Variants in PNPLA8 observed in about 807,000 individuals in gnomAD.
PNPLA8 encodes the protein patatin like domain 8, phospholipase A2.
In PNPLA8, 39 loss-of-function variants were observed where a neutral mutation model predicts 76.9. The observed-to-expected ratio is 0.51, with a 90% CI of 0.39 to 0.66. PNPLA8 has a LOEUF of 0.66. PNPLA8 is among the 30% of genes least tolerant of loss of function. PNPLA8 has a pLI of 0.00. For synonymous variants in PNPLA8, 301 were observed against 307.9 expected, an observed-to-expected ratio of 0.98 and a Z score of 0.24; for missense variants, 887 against 918.0, an observed-to-expected ratio of 0.97 and a Z score of 0.44.
intron 4 of PNPLA8, among the ~76,000 whole-genome samples, chr7:108,509,446 T>A (rs1339051302): frequency 6.7e-6 from 1 of 149,764 alleles, no homozygotes; most frequent in East Asian, 1.9e-4. Flanking sequence ...TCACTGGCCA[T>A]CAGAGAAATG....
Position 108,514,498 on chromosome 7 carries a change from G to C in PNPLA8, c.994C>G (p.Gln332Glu), listed in dbSNP as rs1473538134. Residue 332 changes from glutamine to glutamate, a missense_variant, in exon 3 of 11, where the codon CAG becomes GAG. Coordinates refer to ENST00000257694, the MANE Select transcript of PNPLA8 (RefSeq NM_001256007.3). ...GCATTTCTGTCTTTGCTGACAGCCT[G>C]ATCAGTTTTAGCAGGCTCTTCCTGT... ...EEQEEPAKTDQAVSKDRNAEE... is the reference protein window; with the variant it reads ...EEQEEPAKTDEAVSKDRNAEE... 6.8e-6 allele frequency: 11 copies of C among 1,613,638 alleles called. No individual in the cohort carries two copies. Among genetic ancestry groups the C allele is most frequent in the Middle Eastern group, 3.3e-4 (2 of 6,084 alleles).
At chr7:108,499,994 C>T (rs1861824504) in intron 5 of PNPLA8, among the ~76,000 whole-genome samples, 1 of 152,180 alleles carries the variant, frequency 6.6e-6, no homozygotes, top group African/African-American at 2.4e-5. Flanking sequence ...CTCTTCCTCT[C>T]TATCCCTTTA....
intron 4 of PNPLA8, among the ~76,000 whole-genome samples, chr7:108,511,365 T>C (rs144899033): frequency 6.6e-6 from 1 of 152,312 alleles, no homozygotes; most frequent in East Asian, 1.9e-4. Context: ...TTAGCATTAC[T>C]AATGGTTGTT....
At chr7:108,521,079 G>C (rs1263189980) in intron 2 of PNPLA8, among the ~76,000 whole-genome samples, 3 of 151,952 alleles carry the variant, frequency 2.0e-5, no homozygotes, top group Non-Finnish European at 4.4e-5. Context: ...TGAACTCACT[G>C]AAGTTACAAA....
At chr7:108,493,920 T>A (rs1057415436) in intron 7 of PNPLA8, among the ~76,000 whole-genome samples, 1 of 151,974 alleles carries the variant, frequency 6.6e-6, no homozygotes, top group African/African-American at 2.4e-5. Flanking sequence ...AACAACTAAA[T>A]CTACAGAATT....
Position 108,471,213 on chromosome 7 carries a change from C to CT in PNPLA8, c.*1187dup, listed in dbSNP as rs67049113. ...TAAGGTAAAACAAGCCTAACTTCTT[C>CT]TTTTTTTTTTTTTTTTTTTTGAGAT... is the stretch of plus-strand genomic sequence containing the variant. On this transcript the variant is annotated 3_prime_UTR_variant, in exon 11 of 11. Transcript: ENST00000257694. 1,926 of 120,122 alleles carry CT rather than the reference C, an allele frequency of 0.016. 48 individuals carry two copies. Among genetic ancestry groups the CT allele is most frequent in the African/African-American group, 0.041 (1,304 of 31,546 alleles). The allele number at this position is 120,122 out of a possible 1,614,324, so 7.4% of individuals were successfully genotyped here. A position where few individuals can be genotyped will look rare whatever the true frequency, so the allele number is the denominator to read the frequency against.
At chr7:108,501,546 GGC>G (rs1276733532) in intron 5 of PNPLA8, among the ~76,000 whole-genome samples, 1 of 152,188 alleles carries the variant, frequency 6.6e-6, no homozygotes, top group African/African-American at 2.4e-5. Flanking sequence ...AAGCTGGCTG[GGC>G]GCGGTGGCTC....
intron 10 of PNPLA8, among the ~76,000 whole-genome samples, chr7:108,474,915 G>A (rs773325242): frequency 6.6e-6 from 1 of 152,048 alleles, no homozygotes; most frequent in African/African-American, 2.4e-5. Flanking sequence ...CTAGGTCAGG[G>A]GTCCCCAACC....
intron 10 of PNPLA8, 125 bp downstream of exon 10, chr7:108,479,059 A>G (rs1860198442): frequency 3.1e-6 from 2 of 648,374 alleles, no homozygotes; most frequent in Non-Finnish European, 5.5e-6. Context: ...GTTTCCTCCC[A>G]TGTACTTCCT....
chr7:108,525,441 T>G (rs2154517344), intron 1 of PNPLA8, among the ~76,000 whole-genome samples: 1 of 152,276 alleles, frequency 6.6e-6, no homozygotes, highest in Middle Eastern at 3.4e-3. Context: ...GTATTAGGCG[T>G]GGAAAGCAGG....
At chr7:108,477,083 A>C (rs936874383) in intron 10 of PNPLA8, among the ~76,000 whole-genome samples, 2 of 152,246 alleles carry the variant, frequency 1.3e-5, no homozygotes, top group African/African-American at 4.8e-5. Context: ...AGTTAATAAC[A>C]ATGTATTAAG....
intron 4 of PNPLA8, 77 bp downstream of exon 4, chr7:108,514,067 C>T: frequency 1.1e-5 from 11 of 977,888 alleles, no homozygotes; most frequent in Non-Finnish European, 1.7e-5. Flanking sequence ...AAATGAAAGG[C>T]TTTGCCTTCT....
At chr7:108,481,511 T>C (rs1860393781) in intron 9 of PNPLA8, among the ~76,000 whole-genome samples, 1 of 152,232 alleles carries the variant, frequency 6.6e-6, no homozygotes, top group Non-Finnish European at 1.5e-5. Context: ...TATCCTCTGC[T>C]GAAGTGTCTG....
At chr7:108,503,124 G>A (rs1265700374) in intron 4 of PNPLA8, among the ~76,000 whole-genome samples, 1 of 152,086 alleles carries the variant, frequency 6.6e-6, no homozygotes, top group Non-Finnish European at 1.5e-5. Context: ...TGTTAACAAA[G>A]GTAACTGAGG....
chr7:108,482,426 T>G (rs1377964361), intron 9 of PNPLA8, among the ~76,000 whole-genome samples: 1 of 152,166 alleles, frequency 6.6e-6, no homozygotes, highest in East Asian at 1.9e-4. Context: ...GAGCTGAGAT[T>G]GTGCCACTGC....
chr7:108,514,359 C>T (rs1863143579), intron 3 of PNPLA8, 66 bp from the exon 4 acceptor site: 14 of 1,538,786 alleles, frequency 9.1e-6, no homozygotes, highest in Non-Finnish European at 1.2e-5. Context: ...ATGAAAGTTT[C>T]TTAGTTCTCA....
chr7:108,498,872 G>C (rs955397792), intron 5 of PNPLA8, among the ~76,000 whole-genome samples: 19 of 152,160 alleles, frequency 1.2e-4, no homozygotes, highest in African/African-American at 1.9e-4. Context: ...CACAAGGTAG[G>C]GGGTAGGTAA....
intron 2 of PNPLA8, among the ~76,000 whole-genome samples, chr7:108,519,173 C>A (rs189756042): frequency 1.3e-4 from 19 of 151,516 alleles, no homozygotes; most frequent in Non-Finnish European, 2.7e-4. Context: ...GTAAACAAAA[C>A]AAACACAGCC....
At chr7:108,508,787 T>C (rs939395204) in intron 4 of PNPLA8, among the ~76,000 whole-genome samples, 4 of 151,844 alleles carry the variant, frequency 2.6e-5, no homozygotes, top group African/African-American at 7.3e-5. Flanking sequence ...ACTACAAGGC[T>C]ACAGTAACCA....
Sources: allele counts gnomAD v4.1 joint callset (sites outside exome capture counted in the v4.1 genomes callset), GRCh38; gene constraint gnomAD v4.1.1; transcripts MANE v1.5; gene names NCBI Gene and HGNC (gene_info 2026-07-23, HGNC 2026-07-21).